ARHGEF7: variants seen among roughly 807,000 people sequenced by gnomAD.
The protein encoded by ARHGEF7 is Rho guanine nucleotide exchange factor 7.
ARHGEF7 carries 33 observed loss-of-function variants against 109.8 expected under a neutral mutation model. That is an observed-to-expected ratio of 0.30 (90% CI 0.23 to 0.40). The LOEUF (loss-of-function observed/expected upper bound fraction) is 0.40, where lower values mean the gene tolerates loss of function less well. Ranked by LOEUF, ARHGEF7 falls within the 10% of genes least tolerant of loss-of-function variation. The probability of loss-of-function intolerance (pLI) is 1.00; values close to 1 mark genes in which losing one functional copy is unlikely to be tolerated. For missense variants in ARHGEF7, 938 were observed against 1,098.5 expected (o/e 0.85, Z 2.07); for synonymous variants, 458 against 424.6 (o/e 1.08, Z -0.97).
Position 111,139,318 on chromosome 13 carries a change from C to T in ARHGEF7, c.166-14587C>T, listed in dbSNP as rs77426966. Among the ~76,000 whole-genome samples the T allele has an allele frequency of 1.8e-3, 272 of 152,240 alleles. 2 individuals carry two copies. In the East Asian group the frequency reaches 0.021, roughly 12 times the overall value. On this transcript the variant is annotated intron_variant, in intron 1 of 21. Coordinates refer to ENST00000646102, the MANE Select transcript of ARHGEF7 (RefSeq NM_001354046.2). ...CAGCAGGATTCTTCCCTTCCCTCGC[C>T]GGCTCCTTGTCTCTCCCTCTGTGTC...
intron 2 of ARHGEF7, among the ~76,000 whole-genome samples, chr13:111,175,799 TA>T (rs970004865): frequency 2.0e-5 from 3 of 152,128 alleles, no homozygotes; most frequent in Non-Finnish European, 4.4e-5. Context: ...TGAGACTGGG[TA>T]ATTTATAAAG....
intron 2 of ARHGEF7, among the ~76,000 whole-genome samples, chr13:111,161,097 C>G (rs1472760051): frequency 6.8e-6 from 1 of 147,296 alleles, no homozygotes. Flanking sequence ...CAACTGATAA[C>G]TATAATGAAA....
rs781342805 is a variant in ARHGEF7, at chr13:111,273,427, C to T, written c.1074-387C>T. ...GCTCTAGCTCTTTACCGGAGCAGCT[C>T]GGTCCTTGTTCTACCACCTTGAGAC... On this transcript the variant is annotated intron_variant, in intron 9 of 21. Coordinates refer to ENST00000646102, the MANE Select transcript of ARHGEF7 (RefSeq NM_001354046.2). This position sits in a 1 kb window ranked among gnomAD's most constrained non-coding sequence, Gnocchi z 4.5. Among the ~76,000 whole-genome samples, 2 of 152,204 alleles carry T rather than the reference C, an allele frequency of 1.3e-5. No homozygotes were observed. The highest frequency in any genetic ancestry group is 2.4e-5 in the African/African-American group (1 of 41,448).
chr13:111,205,116 AT>A (rs1279571953), intron 2 of ARHGEF7, among the ~76,000 whole-genome samples, 172 bp from the exon 3 acceptor site: 1 of 152,192 alleles, frequency 6.6e-6, no homozygotes, highest in Non-Finnish European at 1.5e-5. Flanking sequence ...GAGAATTTTG[AT>A]TGGGTTCTTA....
At chr13:111,208,347 T>C (rs1007576138) in intron 3 of ARHGEF7, among the ~76,000 whole-genome samples, 1 of 152,208 alleles carries the variant, frequency 6.6e-6, no homozygotes, top group Non-Finnish European at 1.5e-5. Flanking sequence ...GCCTCGTTTC[T>C]TTCTAGATTT....
At chr13:111,293,815 G>C in intron 19 of ARHGEF7, 1 of 985,312 alleles carries the variant, frequency 1.0e-6, no homozygotes. Flanking sequence ...TCAGTGTTCT[G>C]ATCTTGTTTG....
At chr13:111,120,615 C>T (rs2067137164) in intron 1 of ARHGEF7, among the ~76,000 whole-genome samples, 1 of 152,234 alleles carries the variant, frequency 6.6e-6, no homozygotes, top group African/African-American at 2.4e-5. Context: ...TCTGTGAACT[C>T]TCCAAGCCCA....
intron 12 of ARHGEF7, 147 bp from the exon 13 acceptor site, chr13:111,277,440 A>G (rs2092552567): frequency 5.1e-6 from 3 of 584,656 alleles, no homozygotes; most frequent in Admixed American, 6.1e-5. Context: ...CATTTAATTT[A>G]CCTGATAAAA....
rs1038885100 is a variant in ARHGEF7 at position 111,149,147 on chromosome 13, C to A, written c.166-4758C>A. Among the ~76,000 whole-genome samples, 4 of 152,014 alleles carry A rather than the reference C, an allele frequency of 2.6e-5. No individual in the cohort carries two copies. The East Asian group carries it at 7.7e-4, about 29-fold the overall frequency. On this transcript the variant is annotated intron_variant, in intron 1 of 21. Transcript: ENST00000646102. ...ATTTCTGTCCGGGTGCGATGGCTCA[C>A]GCCTGTAATCCCAGCACTTTGGGAG...
At chr13:111,174,776 G>A (rs1256254232) in intron 2 of ARHGEF7, among the ~76,000 whole-genome samples, 15 of 152,196 alleles carry the variant, frequency 9.9e-5, no homozygotes, top group Admixed American at 9.8e-4. Context: ...GCTGGGGGTC[G>A]TAAGCAGAAA....
intron 4 of ARHGEF7, among the ~76,000 whole-genome samples, chr13:111,216,579 G>T (rs1473858431): frequency 6.6e-6 from 1 of 152,026 alleles, no homozygotes; most frequent in African/African-American, 2.4e-5. Flanking sequence ...TAGAGGCCTG[G>T]ACTCTGCTGA....
intron 2 of ARHGEF7, among the ~76,000 whole-genome samples, chr13:111,201,263 A>G (rs1238400922): frequency 1.3e-5 from 2 of 152,196 alleles, no homozygotes; most frequent in African/African-American, 2.4e-5. Context: ...CCTTCTAGCC[A>G]TTCTATTTTA....
chr13:111,257,854 C>T (rs545267345), intron 8 of ARHGEF7, among the ~76,000 whole-genome samples: 1 of 152,362 alleles, frequency 6.6e-6, no homozygotes, highest in Non-Finnish European at 1.5e-5. Context: ...CAACATTGGG[C>T]ACAGAGGTAG....
At chr13:111,269,626 G>A (rs3783085) in intron 9 of ARHGEF7, among the ~76,000 whole-genome samples, 23,626 of 152,020 alleles carry the variant, frequency 0.16, 2,800 homozygotes, top group East Asian at 0.68. Flanking sequence ...AGGCCCGCTC[G>A]GGACAGCAGC....
intron 2 of ARHGEF7, among the ~76,000 whole-genome samples, chr13:111,187,540 T>C (rs1258477784): frequency 6.6e-6 from 1 of 152,234 alleles, no homozygotes; most frequent in Non-Finnish European, 1.5e-5. Context: ...TTTACTTGCT[T>C]GTAGTGGAAA....
At chr13:111,277,482 T>C (rs925723574) in intron 12 of ARHGEF7, 105 bp from the exon 13 acceptor site, 1 of 674,702 alleles carries the variant, frequency 1.5e-6, no homozygotes. Flanking sequence ...AGAAATATCA[T>C]GTAATGTTTC....
At chr13:111,301,397 G>A (rs768487831) in intron 20 of ARHGEF7, 81 bp from the exon 21 acceptor site, 12 of 1,176,902 alleles carry the variant, frequency 1.0e-5, no homozygotes, top group African/African-American at 4.6e-5. Context: ...TCTCAGCATC[G>A]TAGTGTCTCC....
intron 1 of ARHGEF7, among the ~76,000 whole-genome samples, chr13:111,120,156 A>T (rs1207111496): frequency 6.6e-6 from 1 of 152,196 alleles, no homozygotes; most frequent in Non-Finnish European, 1.5e-5. Context: ...TCCTGTCTCA[A>T]CCCTGAACCA....
At chr13:111,214,865 A>G (rs2082925860) in intron 4 of ARHGEF7, among the ~76,000 whole-genome samples, 1 of 93,494 alleles carries the variant, frequency 1.1e-5, no homozygotes, top group Non-Finnish European at 2.2e-5. Flanking sequence ...ATTTAAATAG[A>G]TAAGTATTAA....
Sources: allele counts gnomAD v4.1 joint callset (sites outside exome capture counted in the v4.1 genomes callset), GRCh38; gene constraint gnomAD v4.1.1; non-coding constraint Gnocchi (gnomAD v3.1); transcripts MANE v1.5; gene names NCBI Gene and HGNC (gene_info 2026-07-23, HGNC 2026-07-21).